COG6: variants seen among roughly 807,000 people sequenced by gnomAD.
COG6 encodes conserved oligomeric Golgi complex subunit 6.
COG6 carries 74 observed loss-of-function variants against 88.8 expected under a neutral mutation model. The observed-to-expected ratio is 0.83, with a 90% CI of 0.69 to 1.01. The LOEUF (loss-of-function observed/expected upper bound fraction) is 1.01, where lower values mean the gene tolerates loss of function less well. Among genes scored for constraint, COG6 ranks in the 50% least tolerant of loss-of-function variants. COG6 has a pLI of 0.00. For missense variants in COG6, 800 were observed against 797.9 expected (o/e 1.00, Z -0.03); for synonymous variants, 286 against 278.7 (o/e 1.03, Z -0.26).
chr13:39,753,804 T>C (rs1880744372), downstream of COG6, among the ~76,000 whole-genome samples: 1 of 152,190 alleles, frequency 6.6e-6, no homozygotes, highest in African/African-American at 2.4e-5. Context: ...GTAATGTTCA[T>C]AGTATTTTTA....
downstream of COG6, among the ~76,000 whole-genome samples, chr13:39,755,333 T>G (rs1049836283): frequency 3.9e-5 from 6 of 152,106 alleles, no homozygotes; most frequent in African/African-American, 1.4e-4. Flanking sequence ...GAATGGACCT[T>G]ATTTGCAGAT....
rs1371594875 is a variant in COG6 at position 39,736,691 on chromosome 13, C to CA, written c.1826+9150dup. 2.6e-5 allele frequency among the ~76,000 whole-genome samples: 4 copies of CA among 151,766 alleles called. No homozygotes were observed. The East Asian group carries it at 7.8e-4, about 29-fold the overall frequency. ...GGGCAAGAAGAGCAAAACTCCATTT[C>CA]AAAAAAACAAAAAACAAGATTCTGA... On this transcript the variant is annotated intron_variant, in intron 18 of 18. Coordinates refer to ENST00000455146, the MANE Select transcript of COG6 (RefSeq NM_020751.3).
chr13:39,757,728 A>G (rs1045940474), intron 18 of COG6, among the ~76,000 whole-genome samples: 1 of 152,186 alleles, frequency 6.6e-6, no homozygotes, highest in Non-Finnish European at 1.5e-5. Context: ...GAAGAAATAT[A>G]AAATCTGAAT....
intron 13 of COG6, among the ~76,000 whole-genome samples, chr13:39,702,200 C>T (rs367631497): frequency 2.6e-5 from 4 of 151,850 alleles, no homozygotes; most frequent in Non-Finnish European, 5.9e-5. Context: ...TATTAAAGAA[C>T]GTGTTGCCAG....
At chr13:39,693,515 GATGTA>G (rs1288066094) in intron 11 of COG6, among the ~76,000 whole-genome samples, 1 of 151,780 alleles carries the variant, frequency 6.6e-6, no homozygotes, top group Middle Eastern at 3.2e-3. Flanking sequence ...CACTTTTATT[GATGTA>G]ATGTATAATT....
At chr13:39,732,997 C>A (rs1226238763) in intron 18 of COG6, among the ~76,000 whole-genome samples, 1 of 151,838 alleles carries the variant, frequency 6.6e-6, no homozygotes, top group East Asian at 1.9e-4. Context: ...AGAAACAGCG[C>A]AGACCAGAAC....
At position 39,719,689 on chromosome 13, in the gene COG6, A is replaced by G. The variant is rs1878742856; in HGVS notation, c.1446A>G (p.Leu482=). 1.9e-6 allele frequency: 3 copies of G among 1,612,796 alleles called. No homozygotes were observed. The highest frequency in any genetic ancestry group is 2.5e-6 in the Non-Finnish European group (3 of 1,179,090). ...QVLSCVLDPL[L]QMCTVSASNL... is the part of the protein sequence containing the mutation. ...TATCATGTGTCTTGGATCCTCTCCT[A>G]CAGATGTGTACTGTATCAGCCAGCA... The change falls in exon 15 of 19, where the codon CTA becomes CTG. Residue 482 remains leucine (L), a synonymous_variant. Transcript: ENST00000455146.
In COG6 at chr13:39,764,451, TATTG is replaced by T. The variant is rs1316196290; in HGVS notation, c.1827-23880_1827-23877del. ...CTTTTCTTGAAATGGAAGCTTATAT[TATTG>T]ATTTTCAGACCTTTTTCTGTTGTAA... On this transcript the variant is annotated intron_variant, in intron 18 of 18. Transcript: ENST00000416691. 2.0e-5 allele frequency among the ~76,000 whole-genome samples: 3 copies of T among 151,912 alleles called. No homozygotes were observed. In the East Asian group the frequency reaches 5.8e-4, roughly 29 times the overall value.
chr13:39,723,228 A>C, intron 15 of COG6, 105 bp from the exon 16 acceptor site: 2 of 725,486 alleles, frequency 2.8e-6, no homozygotes, highest in Non-Finnish European at 5.0e-6. Flanking sequence ...GCTTTGTTAC[A>C]GAGGTGATCC....
At chr13:39,783,260 C>T (rs1881681907) in intron 18 of COG6, among the ~76,000 whole-genome samples, 1 of 152,086 alleles carries the variant, frequency 6.6e-6, no homozygotes, top group African/African-American at 2.4e-5. Flanking sequence ...ATCCTATGCC[C>T]TTTGTTAGGA....
chr13:39,674,125 A>G (rs975639982), intron 4 of COG6, among the ~76,000 whole-genome samples: 4 of 151,940 alleles, frequency 2.6e-5, no homozygotes, highest in Non-Finnish European at 4.4e-5. Flanking sequence ...GGTTTGTTAC[A>G]TATGTATACA....
chr13:39,740,291 C>T (rs1879978568), intron 18 of COG6, among the ~76,000 whole-genome samples: 1 of 152,168 alleles, frequency 6.6e-6, no homozygotes, highest in Non-Finnish European at 1.5e-5. Context: ...CCCAAGGTGG[C>T]ATCATCTGTG....
At chr13:39,700,478 A>T (rs1457454218) in intron 13 of COG6, among the ~76,000 whole-genome samples, 2 of 151,924 alleles carry the variant, frequency 1.3e-5, no homozygotes, top group African/African-American at 4.8e-5. Context: ...GTGGAGCTGG[A>T]ATATCTACCT....
At chr13:39,681,863 G>A (rs1179963122) in intron 7 of COG6, among the ~76,000 whole-genome samples, 1 of 152,048 alleles carries the variant, frequency 6.6e-6, no homozygotes, top group African/African-American at 2.4e-5. Context: ...GTATATGGCA[G>A]TTATTAGGAA....
chr13:39,769,996 A>G (rs1881274918), intron 18 of COG6, among the ~76,000 whole-genome samples: 1 of 152,202 alleles, frequency 6.6e-6, no homozygotes, highest in African/African-American at 2.4e-5. Flanking sequence ...GCCCGAACTA[A>G]CTAAAACAAG....
chr13:39,760,217 G>A (rs1034894828), intron 18 of COG6, among the ~76,000 whole-genome samples: 1 of 152,052 alleles, frequency 6.6e-6, no homozygotes, highest in African/African-American at 2.4e-5. Flanking sequence ...TCTAATTTTC[G>A]GGATTCAGGC....
chr13:39,698,298 G>A (rs1323536348), intron 12 of COG6, among the ~76,000 whole-genome samples: 1 of 151,842 alleles, frequency 6.6e-6, no homozygotes, highest in Admixed American at 6.6e-5. Context: ...TTTATTCAGA[G>A]AAATACTTGT....
intron 4 of COG6, among the ~76,000 whole-genome samples, chr13:39,675,504 A>G (rs554169254): frequency 3.9e-5 from 6 of 152,294 alleles, no homozygotes; most frequent in African/African-American, 1.4e-4. Context: ...ATCTTGATAT[A>G]TTAAACTCTT....
Position 39,720,006 on chromosome 13 carries a change from C to CACA in COG6, c.1584+180_1584+182dup, listed in dbSNP as rs1443134944. On this transcript the variant is annotated intron_variant, in intron 15 of 18. Coordinates refer to ENST00000455146, the MANE Select transcript of COG6 (RefSeq NM_020751.3). ...CACGCACATACACAACACACACACACACACACACACACACACACACAAATT... is the reference window on the plus strand; with the variant it reads ...CACGCACATACACAACACACACACACACAACACACACACACACACACACAAATT... 4.0e-5 allele frequency among the ~76,000 whole-genome samples: 6 copies of CACA among 151,370 alleles called. No homozygotes were observed. In the East Asian group the frequency reaches 9.7e-4, roughly 24 times the overall value.
Sources: allele counts gnomAD v4.1 joint callset (sites outside exome capture counted in the v4.1 genomes callset), GRCh38; gene constraint gnomAD v4.1.1; transcripts MANE v1.5; gene names NCBI Gene and HGNC (gene_info 2026-07-23, HGNC 2026-07-21).